HECW2: variants seen among roughly 807,000 people sequenced by gnomAD.
HECW2 encodes the protein E3 ubiquitin-protein ligase HECW2.
A neutral mutation model predicts 175.2 loss-of-function variants in HECW2; 61 were observed. That is an observed-to-expected ratio of 0.35 (90% confidence interval 0.28 to 0.43). HECW2 has a LOEUF of 0.43. HECW2 is among the 20% of genes least tolerant of loss of function. The pLI is 1.00. For synonymous variants in HECW2, 671 were observed against 731.0 expected, an observed-to-expected ratio of 0.92 and a Z score of 1.32; for missense variants, 1,524 against 2,000.5, an observed-to-expected ratio of 0.76 and a Z score of 4.54.
chr2:196,219,973 C>A, intron 26 of HECW2, 66 bp downstream of exon 26: 1 of 1,057,160 alleles, frequency 9.5e-7, no homozygotes, highest in South Asian at 1.3e-5. Context: ...ATTCAGTTGG[C>A]AAGCTGAACC....
intron 1 of HECW2, among the ~76,000 whole-genome samples, chr2:196,508,442 T>TAA (rs1210002276): frequency 6.6e-6 from 1 of 152,222 alleles, no homozygotes; most frequent in African/African-American, 2.4e-5. Context: ...CAAAGAAAGC[T>TAA]ACTGGATGCT....
intron 1 of HECW2, among the ~76,000 whole-genome samples, chr2:196,495,588 A>G (rs1687361769): frequency 6.6e-6 from 1 of 152,198 alleles, no homozygotes; most frequent in South Asian, 2.1e-4. Context: ...ATGCAGAGAC[A>G]GAGACAAAAG....
chr2:196,222,442 C>T lies in HECW2; in HGVS notation c.4017-102G>A, dbSNP rs1434901593. Reference sequence around the variant, plus strand: ...TAAGAATTAAAGAGAAGAATAAGAGCCACTACATAGGCAGTGATTTCTGGA... The same window carrying T: ...TAAGAATTAAAGAGAAGAATAAGAGTCACTACATAGGCAGTGATTTCTGGA... On this transcript the variant is annotated intron_variant, in intron 23 of 28. Transcript: ENST00000644978. 3.9e-6 allele frequency: 4 copies of T among 1,032,646 alleles called. No individual in the cohort carries two copies. In the African/African-American group the frequency reaches 4.9e-5, roughly 13 times the overall value. The allele number at this position is 1,032,646 out of a possible 1,614,324, so 64.0% of individuals were successfully genotyped here.
chr2:196,305,938 G>A (rs919679397), intron 13 of HECW2, among the ~76,000 whole-genome samples: 1 of 151,900 alleles, frequency 6.6e-6, no homozygotes, highest in African/African-American at 2.4e-5. Context: ...CTCAGCCCTC[G>A]GAGACTCGTG....
chr2:196,482,579 G>C (rs1182012155), intron 1 of HECW2, among the ~76,000 whole-genome samples: 1 of 152,138 alleles, frequency 6.6e-6, no homozygotes, highest in Admixed American at 6.5e-5. Flanking sequence ...TCCAACTAGG[G>C]ACAGAGGGTA....
rs537644224 is a variant in HECW2 at position 196,355,773 on chromosome 2, G to T, written c.293-12009C>A. Among the ~76,000 whole-genome samples, 4 of 152,238 alleles carry T rather than the reference G, an allele frequency of 2.6e-5. No homozygotes were observed. In the South Asian group the frequency reaches 8.3e-4, roughly 32 times the overall value. ...CCTGTCCTGGTGGAGATTTTGGTCT[G>T]GTGGGGAAAGTGGTCAGTAAGCAGA... On this transcript the variant is annotated intron_variant, in intron 2 of 28. Transcript: ENST00000644978.
intron 2 of HECW2, among the ~76,000 whole-genome samples, chr2:196,387,595 A>G (rs1043054704): frequency 1.3e-5 from 2 of 152,180 alleles, no homozygotes; most frequent in African/African-American, 4.8e-5. Flanking sequence ...TGAATGGACT[A>G]AGACAGGTGG....
intron 3 of HECW2, among the ~76,000 whole-genome samples, chr2:196,334,938 T>C (rs1231744654): frequency 6.6e-6 from 1 of 152,116 alleles, no homozygotes; most frequent in East Asian, 1.9e-4. Context: ...GTCAGACAGA[T>C]AAGAAATGAG....
chr2:196,337,795 A>G (rs1170753944), intron 3 of HECW2, among the ~76,000 whole-genome samples: 1 of 152,060 alleles, frequency 6.6e-6, no homozygotes, highest in Non-Finnish European at 1.5e-5. Flanking sequence ...AGGACCTGAT[A>G]TCGGCTGAGC....
At chr2:196,285,256 T>C (rs1238797269) in intron 14 of HECW2, among the ~76,000 whole-genome samples, 1 of 152,160 alleles carries the variant, frequency 6.6e-6, no homozygotes, top group Non-Finnish European at 1.5e-5. Flanking sequence ...GCTCAACAAA[T>C]CTAAGTTAAA....
intron 1 of HECW2, among the ~76,000 whole-genome samples, chr2:196,437,552 C>T (rs986907477): frequency 5.8e-5 from 8 of 138,194 alleles, no homozygotes; most frequent in Admixed American, 5.8e-4. Flanking sequence ...GTAAGGGTTG[C>T]AGTGAGCCAA....
In HECW2 at chr2:196,306,631, A is replaced by G. The variant is rs755293703; in HGVS notation, c.2690-19T>C. The G allele has an allele frequency of 4.4e-6, 7 of 1,590,994 alleles. No homozygotes were observed. In the Admixed American group the frequency reaches 1.3e-4, roughly 29 times the overall value. On this transcript the variant is annotated intron_variant, in intron 12 of 28. Transcript: ENST00000644978. Reference sequence around the variant, plus strand: ...CGGAAATCTAGATGGGGCAGACCACAGAGGCGGTCAGGGAAATCTTTCTAT... The same window carrying G: ...CGGAAATCTAGATGGGGCAGACCACGGAGGCGGTCAGGGAAATCTTTCTAT...
intron 1 of HECW2, among the ~76,000 whole-genome samples, chr2:196,488,553 A>C (rs915678895): frequency 1.3e-5 from 2 of 152,098 alleles, no homozygotes; most frequent in Admixed American, 1.3e-4. Context: ...ATACCACTAT[A>C]TCTTGTTAAA....
chr2:196,482,497 G>A (rs943473191), intron 1 of HECW2, among the ~76,000 whole-genome samples: 1 of 152,160 alleles, frequency 6.6e-6, no homozygotes, highest in Admixed American at 6.5e-5. Context: ...CTGGGAGTGG[G>A]GACAGCCAGC....
chr2:196,488,126 G>C (rs1249239240), intron 1 of HECW2, among the ~76,000 whole-genome samples: 1 of 152,110 alleles, frequency 6.6e-6, no homozygotes, highest in African/African-American at 2.4e-5. Context: ...ACCACACTAA[G>C]CAATGGATCT....
At chr2:196,348,205 C>A (rs940943282) in intron 2 of HECW2, among the ~76,000 whole-genome samples, 7 of 152,226 alleles carry the variant, frequency 4.6e-5, no homozygotes, top group African/African-American at 1.7e-4. Context: ...AGCATTTTCT[C>A]TGCTCAGCTC....
At chr2:196,472,265 C>A (rs1323329878) in intron 1 of HECW2, among the ~76,000 whole-genome samples, 2 of 151,854 alleles carry the variant, frequency 1.3e-5, no homozygotes, top group Admixed American at 1.3e-4. Flanking sequence ...AGGAGGATCA[C>A]TTGAGGTCAG....
intron 1 of HECW2, among the ~76,000 whole-genome samples, chr2:196,507,238 T>TGTGTATATTAC (rs1687798477): frequency 6.6e-6 from 1 of 152,272 alleles, no homozygotes; most frequent in African/African-American, 2.4e-5. Context: ...CACATATAAA[T>TGTGTATATTAC]AGAAACACAT....
At chr2:196,233,640 G>A (rs1446143425) in intron 21 of HECW2, among the ~76,000 whole-genome samples, 8 of 152,112 alleles carry the variant, frequency 5.3e-5, no homozygotes, top group African/African-American at 1.9e-4. Context: ...AAGGTATTTT[G>A]ATATGATAAA....
Sources: allele counts gnomAD v4.1 joint callset (sites outside exome capture counted in the v4.1 genomes callset), GRCh38; gene constraint gnomAD v4.1.1; transcripts MANE v1.5; gene names NCBI Gene and HGNC (gene_info 2026-07-23, HGNC 2026-07-21).